Variants in IQSEC3 observed in about 807,000 individuals in gnomAD.
IQSEC3 encodes IQ motif and SEC7 domain-containing protein 3.
IQSEC3 carries 50 observed loss-of-function variants against 105.4 expected under a neutral mutation model. That is an observed-to-expected ratio of 0.47 (90% CI 0.38 to 0.60). IQSEC3 has a LOEUF of 0.60. Among genes scored for constraint, IQSEC3 ranks in the 20% least tolerant of loss-of-function variants. The pLI is 0.00. For synonymous variants in IQSEC3, 708 were observed against 746.0 expected (o/e 0.95, Z 0.83); for missense variants, 1,415 against 1,630.0 (o/e 0.87, Z 2.27).
At chr12:129,169 A>G (rs1181249846) in intron 3 of IQSEC3, among the ~76,000 whole-genome samples, 3 of 152,226 alleles carry the variant, frequency 2.0e-5, no homozygotes, top group East Asian at 3.9e-4. Context: ...GCTCAACAGC[A>G]TGGACCATGT....
At chr12:88,843 GT>G (rs1863996984) in intron 1 of IQSEC3, among the ~76,000 whole-genome samples, 1 of 152,224 alleles carries the variant, frequency 6.6e-6, no homozygotes, top group Non-Finnish European at 1.5e-5. Flanking sequence ...GTAGGGCTCT[GT>G]TTGAAAGAGA....
At chr12:93,788 T>C (rs1555074127) in intron 1 of IQSEC3, among the ~76,000 whole-genome samples, 4 of 152,186 alleles carry the variant, frequency 2.6e-5, no homozygotes, top group African/African-American at 9.7e-5. Flanking sequence ...TCCTCACGAA[T>C]AGATTAACAC....
chr12:81,801 G>A (rs1369555512), intron 1 of IQSEC3, among the ~76,000 whole-genome samples: 1 of 152,150 alleles, frequency 6.6e-6, no homozygotes, highest in African/African-American at 2.4e-5. Context: ...GATTTGCAAT[G>A]CACACAACAC....
intron 2 of IQSEC3, among the ~76,000 whole-genome samples, chr12:107,876 A>C (rs1377937196): frequency 6.6e-6 from 1 of 152,104 alleles, no homozygotes; most frequent in Non-Finnish European, 1.5e-5. Flanking sequence ...TATGGATATC[A>C]GTTCTCTCCT....
chr12:170,795 C>T lies in IQSEC3; in HGVS notation c.3065-317C>T, dbSNP rs189011947. Among the ~76,000 whole-genome samples the T allele has an allele frequency of 4.5e-4, 69 of 152,346 alleles. 1 individual carries two copies. The highest frequency in any genetic ancestry group is 7.4e-4 in the Non-Finnish European group (50 of 68,024). On this transcript the variant is annotated intron_variant, in intron 12 of 13. Coordinates refer to ENST00000538872, the MANE Select transcript of IQSEC3 (RefSeq NM_001170738.2). ...GATCCACGGAGGCTGATGAACGTGG[C>T]GCCCACAACCCAGGCCCCCTCCAAG...
chr12:127,010 G>C (rs544884412), intron 3 of IQSEC3, among the ~76,000 whole-genome samples: 7 of 152,270 alleles, frequency 4.6e-5, no homozygotes, highest in African/African-American at 1.4e-4. Context: ...GGAATGTGTG[G>C]ATTACTAACA....
At chr12:161,818 A>AC (rs1300640243) in intron 7 of IQSEC3, 108 bp from the exon 8 acceptor site, 1 of 1,159,698 alleles carries the variant, frequency 8.6e-7, no homozygotes, top group Non-Finnish European at 1.2e-6. Flanking sequence ...AACCAAGGCC[A>AC]CCCCCCGGGA....
intron 4 of IQSEC3, chr12:140,886 TCTC>T (rs1445770783): frequency 6.6e-5 from 32 of 483,762 alleles, no homozygotes; most frequent in Admixed American, 1.0e-4. Flanking sequence ...GAAGGGTACT[TCTC>T]CTCCATCTGC....
rs1027792767 is a variant in IQSEC3 at position 175,028 on chromosome 12, G to A, written c.3544G>A (p.Val1182Met). The A allele has an allele frequency of 6.5e-7, 1 of 1,532,976 alleles. No homozygotes were observed. Among genetic ancestry groups the A allele is most frequent in the Non-Finnish European group, 8.7e-7 (1 of 1,145,536 alleles). The allele number at this position is 1,532,976 out of a possible 1,614,324, so 95.0% of individuals were successfully genotyped here. A position where few individuals can be genotyped will look rare whatever the true frequency, so the allele number is the denominator to read the frequency against. Residue 1182 changes from valine (V) to methionine (M), a missense_variant, in exon 14 of 14, where the codon GTG (valine) becomes ATG (methionine). Val to Met is a conservative substitution (Grantham distance 21). Coordinates refer to ENST00000538872, the MANE Select transcript of IQSEC3 (RefSeq NM_001170738.2). ...HRYSSGSRSL[V>M] Reference sequence around the variant, plus strand: ...CTACTCCAGTGGCTCAAGGAGCCTGGTGTAGACTCTGCCCCACCACCCTGC... The same window carrying A: ...CTACTCCAGTGGCTCAAGGAGCCTGATGTAGACTCTGCCCCACCACCCTGC...
At chr12:85,782 G>C (rs1453672291) in intron 1 of IQSEC3, among the ~76,000 whole-genome samples, 1 of 152,196 alleles carries the variant, frequency 6.6e-6, no homozygotes, top group African/African-American at 2.4e-5. Context: ...CTCCTCATCT[G>C]TAAAATGAGG....
chr12:83,665 G>A (rs1863821994), intron 1 of IQSEC3, among the ~76,000 whole-genome samples: 1 of 150,918 alleles, frequency 6.6e-6, no homozygotes, highest in South Asian at 2.1e-4. Flanking sequence ...GGCCTTCTGA[G>A]GGAGTTTGTG....
intron 9 of IQSEC3, among the ~76,000 whole-genome samples, chr12:164,487 C>T (rs555045358): frequency 2.6e-5 from 4 of 152,344 alleles, no homozygotes; most frequent in South Asian, 4.2e-4. Flanking sequence ...GTACTTGCTG[C>T]TCCTTCTTGC....
intron 5 of IQSEC3, chr12:148,314 C>T (rs957880442): frequency 1.3e-5 from 2 of 152,210 alleles, no homozygotes; most frequent in Non-Finnish European, 2.9e-5. Context: ...CGGCTCGGGG[C>T]CCAGCAATCC....
intron 2 of IQSEC3, among the ~76,000 whole-genome samples, chr12:108,316 A>T (rs904674): frequency 0.71 from 108,579 of 152,204 alleles, 39,018 homozygotes; most frequent in East Asian, 0.9. Flanking sequence ...ATATCTGGAA[A>T]TAGCATATAC....
At chr12:172,648 A>G (rs1939068695) in intron 13 of IQSEC3, among the ~76,000 whole-genome samples, 1 of 152,184 alleles carries the variant, frequency 6.6e-6, no homozygotes, top group African/African-American at 2.4e-5. Flanking sequence ...TTGCTGGCCA[A>G]GCCCCTCTGG....
In IQSEC3 at chr12:128,016, C is replaced by T. The variant is rs112548310; in HGVS notation, c.903+2104C>T. Among the ~76,000 whole-genome samples the T allele has an allele frequency of 2.2e-3, 340 of 152,314 alleles. 2 individuals carry two copies. The highest frequency in any genetic ancestry group is 7.8e-3 in the African/African-American group (323 of 41,552). On this transcript the variant is annotated intron_variant, in intron 3 of 13. Coordinates refer to ENST00000538872, the MANE Select transcript of IQSEC3 (RefSeq NM_001170738.2). Reference sequence around the variant, plus strand: ...TGCTTGACTTCTCTGGCCTCAGCTGCCTCCTATGTCTGGGACTTCACAGGC... The same window carrying T: ...TGCTTGACTTCTCTGGCCTCAGCTGTCTCCTATGTCTGGGACTTCACAGGC...
intron 2 of IQSEC3, among the ~76,000 whole-genome samples, chr12:113,634 C>T (rs1020738898): frequency 6.6e-6 from 1 of 152,124 alleles, no homozygotes. Context: ...CCTCAGGAAT[C>T]GAGGGAACTG....
At chr12:80,951 G>A (rs1863725194) in intron 1 of IQSEC3, among the ~76,000 whole-genome samples, 2 of 152,178 alleles carry the variant, frequency 1.3e-5, no homozygotes, top group Non-Finnish European at 2.9e-5. Flanking sequence ...GACAAGGGCC[G>A]AGAGCACAGG....
intron 8 of IQSEC3, 55 bp from the exon 9 acceptor site, chr12:163,439 T>G: frequency 6.9e-7 from 1 of 1,455,872 alleles, no homozygotes; most frequent in Non-Finnish European, 9.2e-7. Context: ...GGCGCGTGGG[T>G]GGGGAGGCCT....
Sources: allele counts gnomAD v4.1 joint callset (sites outside exome capture counted in the v4.1 genomes callset), GRCh38; gene constraint gnomAD v4.1.1; transcripts MANE v1.5; gene names NCBI Gene and HGNC (gene_info 2026-07-23, HGNC 2026-07-21).